Variants in PCDHGA3 observed in about 807,000 individuals in gnomAD.
The protein encoded by PCDHGA3 is protocadherin gamma subfamily A, 3.
In PCDHGA3, 40 loss-of-function variants were observed where a neutral mutation model predicts 58.5. The observed-to-expected ratio is 0.68, with a 90% CI of 0.53 to 0.89. The LOEUF (loss-of-function observed/expected upper bound fraction) is 0.89. Among genes scored for constraint, PCDHGA3 ranks in the 40% least tolerant of loss-of-function variants. PCDHGA3 has a pLI of 0.00. For missense variants in PCDHGA3, 1,223 were observed against 1,195.9 expected, an observed-to-expected ratio of 1.02 and a Z score of -0.33; for synonymous variants, 530 against 525.7, an observed-to-expected ratio of 1.01 and a Z score of -0.11.
At chr5:141,501,290 TACACACACACACACACAC>T (rs55762287) in intron 2 of PCDHGA3, among the ~76,000 whole-genome samples, 6 of 136,162 alleles carry the variant, frequency 4.4e-5, no homozygotes, top group South Asian at 2.4e-4. Flanking sequence ...TATTCCCTTA[TACACACACACACACACAC>T]ACACACACAC....
Position 141,504,006 on chromosome 5 carries a change from G to C in PCDHGA3, c.2484-1387G>C, listed in dbSNP as rs138738950. Among the ~76,000 whole-genome samples, 1,431 of 152,182 alleles carry C rather than the reference G, an allele frequency of 9.4e-3. 31 individuals are homozygous for C. The highest frequency in any genetic ancestry group is 0.033 in the African/African-American group (1,367 of 41,490). On this transcript the variant is annotated intron_variant, in intron 2 of 3. Coordinates refer to ENST00000253812, the MANE Select transcript of PCDHGA3 (RefSeq NM_018916.4). The stretch of plus-strand genomic sequence containing the variant: ...CTTCTTACCTTACAGTCACTTAACT[G>C]TCTCTGCTGGTCTCTTCCCACTCAT...
chr5:141,466,769 T>C (rs760924688), intron 1 of PCDHGA3, among the ~76,000 whole-genome samples: 1 of 152,198 alleles, frequency 6.6e-6, no homozygotes, highest in African/African-American at 2.4e-5. Flanking sequence ...CAAACTGTTA[T>C]CTTATTCTTC....
intron 1 of PCDHGA3, chr5:141,383,493 G>T: frequency 1.2e-6 from 2 of 1,613,270 alleles, no homozygotes; most frequent in Non-Finnish European, 1.7e-6. Context: ...TGCTGGAGCG[G>T]GTGCTGGACC....
intron 1 of PCDHGA3, chr5:141,393,144 G>T (rs745405842): frequency 1.2e-6 from 2 of 1,613,316 alleles, no homozygotes; most frequent in Non-Finnish European, 1.7e-6. Flanking sequence ...CACCCTGGTT[G>T]AGGATAAAGG....
At chr5:141,420,275 G>T in intron 1 of PCDHGA3, 1 of 1,524,576 alleles carries the variant, frequency 6.6e-7, no homozygotes, top group Non-Finnish European at 8.9e-7. Flanking sequence ...TCTTAAACAG[G>T]TAAGTATTTA....
At position 141,432,266 on chromosome 5, in the gene PCDHGA3, T is replaced by A. The variant is rs1444077446; in HGVS notation, c.2425-62541T>A. The A allele has an allele frequency of 9.3e-6, 15 of 1,614,096 alleles. No individual in the cohort carries two copies. Among genetic ancestry groups the A allele is most frequent in the Admixed American group, 3.3e-5 (2 of 60,010 alleles). The stretch of plus-strand genomic sequence containing the variant: ...CACCATCCAAGGGGCAAGCCTATCG[T>A]CCTACGTGTCCATCAACTCCGACAC... On this transcript the variant is annotated intron_variant, in intron 1 of 3. Transcript: ENST00000253812. The surrounding 1 kb of genome is among the most constrained non-coding windows in gnomAD (Gnocchi z 6.0).
At chr5:141,387,019 A>G (rs753625930) in intron 1 of PCDHGA3, among the ~76,000 whole-genome samples, 1 of 152,192 alleles carries the variant, frequency 6.6e-6, no homozygotes, top group Non-Finnish European at 1.5e-5. Context: ...TTGAAGATGA[A>G]TGTTGTATTT....
intron 1 of PCDHGA3, among the ~76,000 whole-genome samples, chr5:141,447,098 A>G (rs2098525979): frequency 6.6e-6 from 1 of 151,934 alleles, no homozygotes. Flanking sequence ...TTTCTTTCAC[A>G]TGATTATATG....
Position 141,347,453 on chromosome 5 carries a change from C to A in PCDHGA3, c.2424+996C>A, listed in dbSNP as rs187746459. On this transcript the variant is annotated intron_variant, in intron 1 of 3. Transcript: ENST00000253812. ...TAGAGGCATGAGCCACCATGCCTGGCCTGTTATTCTTTTCATCTCAATAAC... is the reference window on the plus strand; with the variant it reads ...TAGAGGCATGAGCCACCATGCCTGGACTGTTATTCTTTTCATCTCAATAAC... Among the ~76,000 whole-genome samples the A allele has an allele frequency of 4.0e-4, 61 of 152,114 alleles. 1 individual carries two copies. The highest frequency in any genetic ancestry group is 7.4e-4 in the Non-Finnish European group (50 of 68,004).
At chr5:141,369,404 T>C (rs1340022164) in intron 1 of PCDHGA3, among the ~76,000 whole-genome samples, 1 of 152,184 alleles carries the variant, frequency 6.6e-6, no homozygotes, top group Non-Finnish European at 1.5e-5. Flanking sequence ...GGGTGGTTCA[T>C]GACTATAATC....
At chr5:141,404,215 G>T (rs1372288822) in intron 1 of PCDHGA3, 15 of 1,613,346 alleles carry the variant, frequency 9.3e-6, no homozygotes, top group Non-Finnish European at 1.3e-5. Context: ...ATAATATCAC[G>T]GTGACTGCAA....
chr5:141,441,764 C>A, intron 1 of PCDHGA3: 1 of 384,482 alleles, frequency 2.6e-6, no homozygotes, highest in South Asian at 2.1e-5. Flanking sequence ...TGAGCCTGCG[C>A]GTGTTGGTGG....
intron 1 of PCDHGA3, chr5:141,388,782 A>C (rs1589071559): frequency 6.2e-7 from 1 of 1,613,784 alleles, no homozygotes; most frequent in South Asian, 1.1e-5. Flanking sequence ...CGGGGAAATT[A>C]CTGTTTTAAA....
At chr5:141,428,220 C>T (rs1228544858) in intron 1 of PCDHGA3, 1 of 1,178,786 alleles carries the variant, frequency 8.5e-7, no homozygotes. Flanking sequence ...ACCTAGTCTT[C>T]GCAGACAGCC....
At chr5:141,380,834 G>T (rs559775684) in intron 1 of PCDHGA3, among the ~76,000 whole-genome samples, 2 of 152,154 alleles carry the variant, frequency 1.3e-5, no homozygotes, top group Admixed American at 1.3e-4. Flanking sequence ...TGAGGCATCA[G>T]GTAAAAATGG....
rs2096651086 is a variant in PCDHGA3 at position 141,422,486 on chromosome 5, A to G, written c.2425-72321A>G. Reference sequence around the variant, plus strand: ...GACAGGGAGTTGGTCCAGAGCTACAATATAACGTTGACAGCCACAGACCAG... The same window carrying G: ...GACAGGGAGTTGGTCCAGAGCTACAGTATAACGTTGACAGCCACAGACCAG... On this transcript the variant is annotated intron_variant, in intron 1 of 3. Coordinates refer to ENST00000253812, the MANE Select transcript of PCDHGA3 (RefSeq NM_018916.4). The G allele has an allele frequency of 1.2e-6, 2 of 1,613,852 alleles. No individual in the cohort carries two copies. The highest frequency in any genetic ancestry group is 1.3e-5 in the African/African-American group (1 of 74,924).
chr5:141,375,174 C>G (rs765614006), intron 1 of PCDHGA3: 7 of 1,613,886 alleles, frequency 4.3e-6, no homozygotes, highest in East Asian at 4.5e-5. Flanking sequence ...CCTCCAGGAA[C>G]AGTAATCGCC....
rs773899530 is a variant in PCDHGA3 at position 141,494,864 on chromosome 5, G to A, written c.2482G>A (p.Gly828Ser). 1.6e-5 allele frequency: 26 copies of A among 1,613,950 alleles called. No individual in the cohort carries two copies. The Admixed American group carries it at 3.5e-4, about 22-fold the overall frequency. Reference protein sequence around the residue: ...FSQAQRPGTSGSQNGDDTGTW... With the variant: ...FSQAQRPGTSSSQNGDDTGTW... ...TCAGGCCCAGAGACCCGGCACCAGC[G>A]GGTAGGTGACTGATTCTCCAGCCCA... Residue 828 changes from glycine to serine, a missense_variant and splice_region_variant, in exon 2 of 4, where the codon GGC (glycine) becomes AGC (serine). Gly to Ser is a moderately conservative substitution (Grantham distance 56, BLOSUM62 0). Coordinates refer to ENST00000253812, the MANE Select transcript of PCDHGA3 (RefSeq NM_018916.4).
intron 1 of PCDHGA3, chr5:141,413,082 A>C: frequency 3.7e-6 from 5 of 1,344,442 alleles, no homozygotes; most frequent in Non-Finnish European, 5.1e-6. Context: ...CCCAGGCTAC[A>C]GAGACACCCT....
Sources: allele counts gnomAD v4.1 joint callset (sites outside exome capture counted in the v4.1 genomes callset), GRCh38; gene constraint gnomAD v4.1.1; non-coding constraint Gnocchi (gnomAD v3.1); transcripts MANE v1.5; gene names NCBI Gene and HGNC (gene_info 2026-07-23, HGNC 2026-07-21).